The following CEP85L variants were observed in gnomAD, a reference collection of about 807,000 sequenced individuals.
The protein encoded by CEP85L is centrosomal protein 85L, also known as centrosomal protein of 85 kDa-like.
CEP85L carries 60 observed loss-of-function variants against 100.3 expected under a neutral mutation model. That is an observed-to-expected ratio of 0.60 (90% confidence interval 0.49 to 0.74). The LOEUF is 0.74. Among genes scored for constraint, CEP85L ranks in the 30% least tolerant of loss-of-function variants. The pLI is 0.00. For missense variants in CEP85L, 973 were observed against 936.2 expected (o/e 1.04, Z -0.51); for synonymous variants, 319 against 322.7 (o/e 0.99, Z 0.12).
chr6:118,555,675 TG>T (rs1438356854), intron 3 of CEP85L, among the ~76,000 whole-genome samples: 2 of 152,168 alleles, frequency 1.3e-5, no homozygotes, highest in African/African-American at 4.8e-5. Context: ...GTTTTAAGTT[TG>T]GGGGTATGTG....
chr6:118,658,068 TC>T (rs1403096169), intron 1 of CEP85L, among the ~76,000 whole-genome samples: 1 of 152,110 alleles, frequency 6.6e-6, no homozygotes, highest in African/African-American at 2.4e-5. Context: ...ACTTAAACAA[TC>T]CCTAGAGGAA....
chr6:118,631,812 G>A (rs1344805331), intron 2 of CEP85L, among the ~76,000 whole-genome samples: 1 of 152,190 alleles, frequency 6.6e-6, no homozygotes, highest in Non-Finnish European at 1.5e-5. Context: ...AGAGGGGGCA[G>A]AGAGAGAAGT....
intron 1 of CEP85L, among the ~76,000 whole-genome samples, chr6:118,699,942 G>A (rs947689507): frequency 3.9e-5 from 6 of 152,092 alleles, no homozygotes; most frequent in Admixed American, 6.5e-5. Context: ...TGATCTGCCC[G>A]CCTCAGCCTC....
rs149173212 is a variant in CEP85L at position 118,536,671 on chromosome 6, C to T, written c.1021-12751G>A. ...GGTGCAACTCCACATCTGCAACTAG[C>T]CATGAGATAAGAGAAAAGGCCAGAT... On this transcript the variant is annotated intron_variant, in intron 3 of 12. Transcript: ENST00000368491. Among the ~76,000 whole-genome samples the T allele has an allele frequency of 4.4e-3, 663 of 152,122 alleles. 8 individuals are homozygous for T. Among genetic ancestry groups the T allele is most frequent in the African/African-American group, 0.015 (642 of 41,506 alleles).
At position 118,465,260 on chromosome 6, in the gene CEP85L, A is replaced by C; in HGVS notation, c.*145T>G. On this transcript the variant is annotated 3_prime_UTR_variant, in exon 13 of 13. Transcript: ENST00000368491. ...AGATAAGCCCCTTCAAAATCTCTTC[A>C]CTTCCCTTCTCCCCTTCAACAAAAC... 1 of 629,536 alleles carries C rather than the reference A, an allele frequency of 1.6e-6. No individual in the cohort carries two copies. Among genetic ancestry groups the C allele is most frequent in the Non-Finnish European group, 2.6e-6 (1 of 383,646 alleles). 39.0% of individuals were successfully genotyped at this position (629,536 alleles called of 1,614,324 possible).
chr6:118,560,444 T>C (rs1345107783), intron 3 of CEP85L: 2 of 167,000 alleles, frequency 1.2e-5, no homozygotes, highest in Non-Finnish European at 2.9e-5. Flanking sequence ...TCATTCTCAT[T>C]GTCTTCACAT....
At chr6:118,575,770 C>G (rs1309208793) in intron 2 of CEP85L, among the ~76,000 whole-genome samples, 1 of 152,060 alleles carries the variant, frequency 6.6e-6, no homozygotes, top group East Asian at 1.9e-4. Flanking sequence ...AATACAAACC[C>G]TCGCTAAGCA....
chr6:118,637,703 C>CAAAAAAAAA, intron 1 of CEP85L, among the ~76,000 whole-genome samples: 1 of 45,424 alleles, frequency 2.2e-5, no homozygotes, highest in Non-Finnish European at 3.8e-5. Context: ...AAGACTGTCT[C>CAAAAAAAAA]AAAAAAAAAA....
intron 1 of CEP85L, among the ~76,000 whole-genome samples, chr6:118,671,892 G>T (rs923826644): frequency 6.6e-6 from 1 of 152,132 alleles, no homozygotes; most frequent in African/African-American, 2.4e-5. Flanking sequence ...AGCTGAGATG[G>T]TGCCACTGAA....
chr6:118,545,061 T>A (rs1009042142), intron 3 of CEP85L, among the ~76,000 whole-genome samples: 5 of 152,198 alleles, frequency 3.3e-5, no homozygotes, highest in African/African-American at 1.2e-4. Flanking sequence ...GCTCCTTATC[T>A]TTGATGTATT....
At chr6:118,590,768 G>A (rs375414818) in intron 2 of CEP85L, among the ~76,000 whole-genome samples, 19 of 151,952 alleles carry the variant, frequency 1.3e-4, no homozygotes, top group African/African-American at 4.6e-4. Flanking sequence ...CAGGTATTCT[G>A]TGCATAGAAC....
At chr6:118,471,041 G>A (rs1223242401) in intron 10 of CEP85L, among the ~76,000 whole-genome samples, 2 of 152,000 alleles carry the variant, frequency 1.3e-5, no homozygotes, top group African/African-American at 4.8e-5. Context: ...TTTGCTTACA[G>A]TTAATGAGAT....
At chr6:118,493,047 T>C (rs1293669709) in intron 5 of CEP85L, among the ~76,000 whole-genome samples, 2 of 152,086 alleles carry the variant, frequency 1.3e-5, no homozygotes, top group Admixed American at 1.3e-4. Flanking sequence ...AGAATGAATA[T>C]GGTAGCCAAA....
intron 2 of CEP85L, among the ~76,000 whole-genome samples, chr6:118,619,428 C>A (rs1773293166): frequency 6.6e-6 from 1 of 152,132 alleles, no homozygotes; most frequent in African/African-American, 2.4e-5. Flanking sequence ...CCCTTCGTGA[C>A]AATACTGCTC....
intron 9 of CEP85L, 58 bp from the exon 10 acceptor site, chr6:118,479,979 C>A: frequency 1.1e-6 from 1 of 874,340 alleles, no homozygotes; most frequent in South Asian, 1.7e-5. Context: ...CTTAAAAGTA[C>A]CAACATTTCA....
chr6:118,549,168 TTAAC>T (rs1231387275), intron 3 of CEP85L, among the ~76,000 whole-genome samples: 11 of 152,126 alleles, frequency 7.2e-5, no homozygotes, highest in African/African-American at 2.4e-4. Flanking sequence ...ACGAATATTC[TTAAC>T]TATCTTATTT....
intron 1 of CEP85L, among the ~76,000 whole-genome samples, chr6:118,646,583 C>T (rs1013895112): frequency 1.3e-5 from 2 of 151,948 alleles, no homozygotes; most frequent in Admixed American, 1.3e-4. Context: ...GTAGGAGAAT[C>T]GCTTGAACCC....
At chr6:118,705,093 A>C (rs1169943696) in intron 1 of CEP85L, among the ~76,000 whole-genome samples, 1 of 152,064 alleles carries the variant, frequency 6.6e-6, no homozygotes, top group Non-Finnish European at 1.5e-5. Flanking sequence ...AATTCAGAAC[A>C]TCAGCCGGAA....
chr6:118,695,495 C>T (rs1231792752), intron 1 of CEP85L, among the ~76,000 whole-genome samples: 1 of 152,072 alleles, frequency 6.6e-6, no homozygotes, highest in African/African-American at 2.4e-5. Flanking sequence ...GTTGCTGTGC[C>T]CACTCCAAGA....
Sources: allele counts gnomAD v4.1 joint callset (sites outside exome capture counted in the v4.1 genomes callset), GRCh38; gene constraint gnomAD v4.1.1; transcripts MANE v1.5; gene names NCBI Gene and HGNC (gene_info 2026-07-23, HGNC 2026-07-21).